Variants in CBY2 observed in about 807,000 individuals in gnomAD.
CBY2 encodes the protein chibby family member 2.
In CBY2, 23 loss-of-function variants were observed where a neutral mutation model predicts 25.3. That is an observed-to-expected ratio of 0.91 (90% CI 0.65 to 1.29). The LOEUF (loss-of-function observed/expected upper bound fraction) is 1.29. CBY2 is among the 50% of genes most tolerant of loss of function. The pLI is 0.00. For synonymous variants in CBY2, 279 were observed against 260.2 expected (o/e 1.07, Z -0.70); for missense variants, 642 against 590.7 (o/e 1.09, Z -0.90).
At chr13:45,702,990 G>C in intron 2 of CBY2, 135 bp downstream of exon 2, 1 of 1,104,938 alleles carries the variant, frequency 9.1e-7, no homozygotes, top group Non-Finnish European at 1.3e-6. Flanking sequence ...TTTGGGTTGG[G>C]TGCCAGCAGG....
At chr13:45,711,653 C>T (rs554408803) in intron 2 of CBY2, among the ~76,000 whole-genome samples, 1 of 152,286 alleles carries the variant, frequency 6.6e-6, no homozygotes, top group African/African-American at 2.4e-5. Flanking sequence ...GGCCACACCC[C>T]AGTCTGAGTA....
At chr13:45,711,063 A>G (rs900583290) in intron 2 of CBY2, among the ~76,000 whole-genome samples, 1 of 152,172 alleles carries the variant, frequency 6.6e-6, no homozygotes, top group African/African-American at 2.4e-5. Context: ...GAGCATTTTG[A>G]TATACTTGGA....
In CBY2 at chr13:45,707,972, G is replaced by A. The variant is rs939704112; in HGVS notation, c.156+5117G>A. Among the ~76,000 whole-genome samples the A allele has an allele frequency of 2.6e-5, 4 of 152,240 alleles. No individual in the cohort carries two copies. In the South Asian group the frequency reaches 6.2e-4, roughly 24 times the overall value. On this transcript the variant is annotated intron_variant, in intron 2 of 2. Transcript: ENST00000310521. ...TTTCTCTAAAGAAATGCTAAGCAAT[G>A]TCTCTTCTAAAAGCCCTTCTTGTAT... is the stretch of plus-strand genomic sequence containing the variant.
intron 2 of CBY2, 120 bp downstream of exon 2, chr13:45,702,975 T>C (rs919391515): frequency 8.8e-6 from 10 of 1,141,268 alleles, no homozygotes; most frequent in Non-Finnish European, 1.1e-5. Flanking sequence ...GGCTTCAGAT[T>C]ATAGTTTGGG....
At position 45,713,921 on chromosome 13, in the gene CBY2, A is replaced by C. The variant is rs1157752404; in HGVS notation, c.896A>C (p.Asp299Ala). 6.5e-7 allele frequency: 1 copy of C among 1,535,098 alleles called. No individual in the cohort carries two copies. The highest frequency in any genetic ancestry group is 8.7e-7 in the Non-Finnish European group (1 of 1,145,640). The change falls in exon 3 of 3, where the codon GAC becomes GCC. Residue 299 changes from aspartate to alanine, a missense_variant. Coordinates refer to ENST00000310521, the MANE Select transcript of CBY2 (RefSeq NM_152719.3). This position sits in a 1 kb window ranked among gnomAD's most constrained non-coding sequence, Gnocchi z 5.0. The stretch of plus-strand genomic sequence containing the variant: ...CCCTGCAGCCCCGGGCTGCTGCAGG[A>C]CCAGGGCTCCGGCCTCTCCTCCCGC... ...EEPCSPGLLQ[D>A]QGSGLSSRFE...
intron 2 of CBY2, among the ~76,000 whole-genome samples, chr13:45,708,749 G>A (rs9316148): frequency 0.87 from 131,911 of 152,258 alleles, 57,794 homozygotes; most frequent in African/African-American, 0.9. Context: ...ATTAAAATAA[G>A]TATATGACTA....
rs1290268974 is a variant in CBY2 at position 45,703,536 on chromosome 13, C to G, written c.156+681C>G. On this transcript the variant is annotated intron_variant, in intron 2 of 2. Coordinates refer to ENST00000310521, the MANE Select transcript of CBY2 (RefSeq NM_152719.3). ...AGTCACCTAAGTCCTCATTGGAAGA[C>G]CAGGGCCATGCAACCAGAGGGGTTG... is the stretch of plus-strand genomic sequence containing the variant. 8 of 1,550,824 alleles carry G rather than the reference C, an allele frequency of 5.2e-6. No individual in the cohort carries two copies. In the East Asian group the frequency reaches 2.0e-4, roughly 38 times the overall value.
chr13:45,713,985 C>A lies in CBY2; in HGVS notation c.960C>A (p.Asp320Glu). The change falls in exon 3 of 3, where the codon GAC becomes GAA. Residue 320 changes from aspartate to glutamate, a missense_variant. Transcript: ENST00000310521. The surrounding 1 kb of genome is among the most constrained non-coding windows in gnomAD (Gnocchi z 5.0). ...EPKGPPARQEDSKELRALRKM... is the reference protein window; with the variant it reads ...EPKGPPARQEESKELRALRKM... ...AAGGGCCTCCGGCCCGGCAGGAGGA[C>A]TCCAAGGAGCTGCGCGCCCTGCGGA... The A allele has an allele frequency of 1.3e-6, 2 of 1,506,526 alleles. No homozygotes were observed. The highest frequency in any genetic ancestry group is 1.4e-5 in the African/African-American group (1 of 71,056). 93.3% of individuals were successfully genotyped at this position (1,506,526 alleles called of 1,614,324 possible).
chr13:45,713,177 C>T lies in CBY2; in HGVS notation c.157-5C>T, dbSNP rs766334286. 3.1e-6 allele frequency: 5 copies of T among 1,603,448 alleles called. No individual in the cohort carries two copies. Among genetic ancestry groups the T allele is most frequent in the Middle Eastern group, 1.7e-4 (1 of 6,046 alleles). On this transcript the variant is annotated splice_polypyrimidine_tract_variant and splice_region_variant and intron_variant, in intron 2 of 2. Transcript: ENST00000310521. The surrounding 1 kb of genome is among the most constrained non-coding windows in gnomAD (Gnocchi z 5.0). The stretch of plus-strand genomic sequence containing the variant: ...AACGCTGGGCTTTCCCATTCTCTCC[C>T]GCAGAGGGGCACAGCCGAACCCTTC...
chr13:45,707,683 A>G (rs1406382832), intron 2 of CBY2, among the ~76,000 whole-genome samples: 1 of 152,242 alleles, frequency 6.6e-6, no homozygotes, highest in Non-Finnish European at 1.5e-5. Flanking sequence ...GCCTGGTTGT[A>G]AGAGAACCAT....
intron 2 of CBY2, among the ~76,000 whole-genome samples, chr13:45,707,786 T>G (rs1950247896): frequency 6.6e-6 from 1 of 152,236 alleles, no homozygotes; most frequent in Non-Finnish European, 1.5e-5. Flanking sequence ...AATATCCTCA[T>G]TTTAAACCCT....
rs1046183427 is a variant in CBY2, at chr13:45,714,320, A to G, written c.1295A>G (p.Tyr432Cys). ...ARMEMLIEEL[Y>C]AFMPARSQDP... ...ATGGAAATGCTCATCGAGGAGCTCT[A>G]CGCCTTCATGCCGGCCAGGAGCCAG... Residue 432 changes from tyrosine (Y) to cysteine (C), a missense_variant, in exon 3 of 3, where the codon TAC (tyrosine) becomes TGC (cysteine). Tyr to Cys is a radical substitution (Grantham distance 194). Transcript: ENST00000310521. The G allele has an allele frequency of 6.2e-6, 10 of 1,612,762 alleles. No individual in the cohort carries two copies. The highest frequency in any genetic ancestry group is 8.5e-6 in the Non-Finnish European group (10 of 1,179,686).
At chr13:45,706,805 T>C (rs1289113848) in intron 2 of CBY2, among the ~76,000 whole-genome samples, 1 of 152,070 alleles carries the variant, frequency 6.6e-6, no homozygotes, top group East Asian at 1.9e-4. Flanking sequence ...ATACCACTGG[T>C]CGAGGAGTCC....
In CBY2 at chr13:45,713,253, C is replaced by A; in HGVS notation, c.228C>A (p.Ala76=). Reference sequence around the variant, plus strand: ...CCCCTCGCTGCGCGCAGCAGGCCGCCCTGCCCCGGCTGAGCCGCAGGATGG... The same window carrying A: ...CCCCTCGCTGCGCGCAGCAGGCCGCACTGCCCCGGCTGAGCCGCAGGATGG... ...YSTPRCAQQA[A]LPRLSRRMAS... The change falls in exon 3 of 3, where the codon GCC becomes GCA. Residue 76 remains alanine, a synonymous_variant. Coordinates refer to ENST00000310521, the MANE Select transcript of CBY2 (RefSeq NM_152719.3). This position sits in a 1 kb window ranked among gnomAD's most constrained non-coding sequence, Gnocchi z 5.0. 2 of 1,613,820 alleles carry A rather than the reference C, an allele frequency of 1.2e-6. No homozygotes were observed. The highest frequency in any genetic ancestry group is 1.7e-6 in the Non-Finnish European group (2 of 1,179,986).
chr13:45,708,794 C>T (rs1401472625), intron 2 of CBY2, among the ~76,000 whole-genome samples: 2 of 152,072 alleles, frequency 1.3e-5, no homozygotes, highest in Non-Finnish European at 2.9e-5. Context: ...GAAATTAAGC[C>T]ATGAGGAAAC....
chr13:45,713,092 T>G lies in CBY2; in HGVS notation c.157-90T>G. Reference sequence around the variant, plus strand: ...GCCAGGCCAGACAATCAGACGGGGCTTATTTGGGGATGTCCTGGCCCCTTT... The same window carrying G: ...GCCAGGCCAGACAATCAGACGGGGCGTATTTGGGGATGTCCTGGCCCCTTT... On this transcript the variant is annotated intron_variant, in intron 2 of 2. Transcript: ENST00000310521. The surrounding 1 kb of genome is among the most constrained non-coding windows in gnomAD (Gnocchi z 5.0). The G allele has an allele frequency of 9.4e-7, 1 of 1,060,154 alleles. No homozygotes were observed. The highest frequency in any genetic ancestry group is 1.3e-6 in the Non-Finnish European group (1 of 747,370). 65.7% of individuals were successfully genotyped at this position (1,060,154 alleles called of 1,614,324 possible).
intron 2 of CBY2, chr13:45,703,423 G>A (rs910662706): frequency 5.0e-5 from 75 of 1,508,064 alleles, no homozygotes; most frequent in Non-Finnish European, 3.2e-5. Context: ...CCTCCTGCCT[G>A]CAATCAGCTG....
rs773359124 is a variant in CBY2 at position 45,713,874 on chromosome 13, C to T, written c.849C>T (p.Pro283=). 6.6e-7 allele frequency: 1 copy of T among 1,524,440 alleles called. No homozygotes were observed. 94.4% of individuals were successfully genotyped at this position (1,524,440 alleles called of 1,614,324 possible). A position where few individuals can be genotyped will look rare whatever the true frequency, so the allele number is the denominator to read the frequency against. Residue 283 remains proline, a synonymous_variant, in exon 3 of 3, where the codon CCC becomes CCT. Coordinates refer to ENST00000310521, the MANE Select transcript of CBY2 (RefSeq NM_152719.3). The surrounding 1 kb of genome is among the most constrained non-coding windows in gnomAD (Gnocchi z 5.0). ...DTAAPAEESK[P]APSPHEEPCS... The stretch of plus-strand genomic sequence containing the variant: ...CCGCCCCTGCCGAGGAAAGCAAGCC[C>T]GCCCCCTCACCCCACGAGGAGCCCT...
Position 45,702,774 on chromosome 13 carries a change from G to T in CBY2, c.76-1G>T, listed in dbSNP as rs745855288. 6.2e-7 allele frequency: 1 copy of T among 1,613,384 alleles called. No homozygotes were observed. The highest frequency in any genetic ancestry group is 2.2e-5 in the East Asian group (1 of 44,880). On this transcript the variant is annotated splice_acceptor_variant, in intron 1 of 2. Transcript: ENST00000310521. LOFTEE classifies it high-confidence loss of function. ...ATCTTCTTCTTTTCTCGTTTCCACA[G>T]CACTCAAGGCCAAATTATACAAGAA...
Sources: allele counts gnomAD v4.1 joint callset (sites outside exome capture counted in the v4.1 genomes callset), GRCh38; gene constraint gnomAD v4.1.1; non-coding constraint Gnocchi (gnomAD v3.1); transcripts MANE v1.5; gene names NCBI Gene and HGNC (gene_info 2026-07-23, HGNC 2026-07-21).